Variants in OCA2 observed in about 807,000 individuals in gnomAD.
OCA2 encodes the protein OCA2 melanosomal transmembrane protein.
In OCA2, 77 loss-of-function variants were observed where a neutral mutation model predicts 100.2. The observed-to-expected ratio is 0.77, with a 90% CI of 0.64 to 0.93. The LOEUF (loss-of-function observed/expected upper bound fraction) is 0.93. Ranked by LOEUF, OCA2 falls within the 40% of genes least tolerant of loss-of-function variation. The pLI is 0.00. For missense variants in OCA2, 1,062 were observed against 1,089.1 expected (o/e 0.98, Z 0.35); for synonymous variants, 432 against 439.2 (o/e 0.98, Z 0.21).
At chr15:27,824,046 T>G (rs2034605072) in intron 23 of OCA2, among the ~76,000 whole-genome samples, 1 of 152,200 alleles carries the variant, frequency 6.6e-6, no homozygotes, top group Non-Finnish European at 1.5e-5. Context: ...CTTAAAATAT[T>G]TGTTAACTTT....
chr15:27,816,006 T>C (rs892931046), intron 23 of OCA2, among the ~76,000 whole-genome samples: 16 of 151,980 alleles, frequency 1.1e-4, no homozygotes, highest in Non-Finnish European at 1.8e-4. Context: ...TGGTGGTGGG[T>C]GCCTGTAGTC....
At chr15:28,007,082 T>C (rs115607255) in intron 9 of OCA2, among the ~76,000 whole-genome samples, 177 of 152,348 alleles carry the variant, frequency 1.2e-3, no homozygotes, top group African/African-American at 4.2e-3. Context: ...ACACAAAGGC[T>C]GCATCATTTT....
chr15:27,733,486 C>G, the OCA2 span, among the ~76,000 whole-genome samples: 2,025 of 152,206 alleles, frequency 0.013, 43 homozygotes, highest in African/African-American at 0.047. Flanking sequence ...GCCTCATGGC[C>G]TCATGTTGCC....
chr15:27,822,880 G>A (rs2034557761), intron 23 of OCA2, among the ~76,000 whole-genome samples: 5 of 152,118 alleles, frequency 3.3e-5, no homozygotes, highest in Non-Finnish European at 7.4e-5. Flanking sequence ...ATGACCAAAA[G>A]GTCTTAAATA....
At chr15:27,968,778 T>C (rs72625132) in intron 14 of OCA2, among the ~76,000 whole-genome samples, 30,584 of 152,076 alleles carry the variant, frequency 0.2, 4,637 homozygotes, top group East Asian at 0.85. Context: ...CCTGGACAGA[T>C]GGCAGGGAAA....
In OCA2 at chr15:28,006,506, A is replaced by T. The variant is rs1485459729; in HGVS notation, c.1044+8270T>A. On this transcript the variant is annotated intron_variant, in intron 9 of 23. Transcript: ENST00000354638. The stretch of plus-strand genomic sequence containing the variant: ...GAAAAAAATGTGAGTAGCATGGCCC[A>T]GTGGCCAGAAGACCTATGTCCCATC... Among the ~76,000 whole-genome samples the T allele has an allele frequency of 2.6e-5, 4 of 152,250 alleles. No individual in the cohort carries two copies. In the East Asian group the frequency reaches 7.7e-4, roughly 29 times the overall value.
chr15:27,884,599 T>C (rs2037150985), intron 19 of OCA2, among the ~76,000 whole-genome samples: 1 of 152,208 alleles, frequency 6.6e-6, no homozygotes, highest in African/African-American at 2.4e-5. Flanking sequence ...AACTTCTTGT[T>C]ATGTTGTTCA....
chr15:27,987,322 G>A (rs1029785343), intron 11 of OCA2, among the ~76,000 whole-genome samples: 3 of 152,178 alleles, frequency 2.0e-5, no homozygotes, highest in Admixed American at 2.0e-4. Flanking sequence ...GCTAGTGAAT[G>A]TTCTGGAAGT....
chr15:27,809,433 T>C (rs1426935904), intron 23 of OCA2, among the ~76,000 whole-genome samples: 1 of 152,176 alleles, frequency 6.6e-6, no homozygotes, highest in African/African-American at 2.4e-5. Context: ...TGGGGAAGAA[T>C]TGAAAGCATT....
intron 23 of OCA2, among the ~76,000 whole-genome samples, chr15:27,824,761 T>C (rs537146047): frequency 1.2e-3 from 185 of 151,954 alleles, no homozygotes; most frequent in Admixed American, 4.2e-3. Context: ...AAACTTTTTT[T>C]GAAGCCTGCC....
At chr15:27,964,752 G>T (rs2140799054) in intron 15 of OCA2, among the ~76,000 whole-genome samples, 1 of 152,234 alleles carries the variant, frequency 6.6e-6, no homozygotes, top group South Asian at 2.1e-4. Flanking sequence ...AGTGGGGCTT[G>T]GGAATCTGCA....
chr15:27,889,837 C>T (rs2037382495), intron 19 of OCA2, among the ~76,000 whole-genome samples: 1 of 152,186 alleles, frequency 6.6e-6, no homozygotes, highest in African/African-American at 2.4e-5. Flanking sequence ...AAGAAAAGAG[C>T]TTGGGCTTTA....
At chr15:28,028,190 G>T in intron 3 of OCA2, 131 bp from the exon 4 acceptor site, 3 of 1,036,762 alleles carry the variant, frequency 2.9e-6, no homozygotes, top group Non-Finnish European at 4.4e-6. Flanking sequence ...ACAGACAGTG[G>T]TGCACTCTCA....
chr15:27,841,077 TGAG>T (rs1215998544), intron 23 of OCA2, among the ~76,000 whole-genome samples: 1 of 152,210 alleles, frequency 6.6e-6, no homozygotes, highest in African/African-American at 2.4e-5. Flanking sequence ...TGTTCTTCAG[TGAG>T]GAGATGACTA....
chr15:27,797,960 G>C (rs1047302127), intron 23 of OCA2, among the ~76,000 whole-genome samples: 24 of 152,190 alleles, frequency 1.6e-4, no homozygotes, highest in East Asian at 1.9e-4. Flanking sequence ...CTCTACCCGG[G>C]AGCTGACCTG....
intron 19 of OCA2, among the ~76,000 whole-genome samples, chr15:27,925,329 C>G (rs1459605361): frequency 6.6e-6 from 1 of 152,006 alleles, no homozygotes; most frequent in Non-Finnish European, 1.5e-5. Context: ...AATGCTAGAC[C>G]GTAAAACAAG....
At chr15:28,093,327 C>T (rs2044903458) in intron 1 of OCA2, among the ~76,000 whole-genome samples, 2 of 151,526 alleles carry the variant, frequency 1.3e-5, no homozygotes. Flanking sequence ...GAGACTGAGG[C>T]AGGAGAATCA....
intron 23 of OCA2, among the ~76,000 whole-genome samples, chr15:27,826,867 A>C (rs758078685): frequency 6.6e-6 from 1 of 152,234 alleles, no homozygotes; most frequent in Non-Finnish European, 1.5e-5. Flanking sequence ...TTGCGTAACA[A>C]ATACTTCCCA....
chr15:28,015,023 G>C, intron 8 of OCA2, 94 bp from the exon 9 acceptor site: 1 of 1,315,892 alleles, frequency 7.6e-7, no homozygotes, highest in Non-Finnish European at 1.1e-6. Context: ...AGTGCAAATG[G>C]AACAATTCAG....
Sources: allele counts gnomAD v4.1 joint callset (sites outside exome capture counted in the v4.1 genomes callset), GRCh38; gene constraint gnomAD v4.1.1; transcripts MANE v1.5; gene names NCBI Gene and HGNC (gene_info 2026-07-23, HGNC 2026-07-21).